LRP1B: variants seen among roughly 807,000 people sequenced by gnomAD.
LRP1B encodes the protein low-density lipoprotein receptor-related protein 1B.
Under a neutral mutation model 556.6 loss-of-function variants are expected in LRP1B, and 217 were observed. That is an observed-to-expected ratio of 0.39 (90% CI 0.35 to 0.44). The LOEUF (loss-of-function observed/expected upper bound fraction) is 0.44. Among genes scored for constraint, LRP1B ranks in the 20% least tolerant of loss-of-function variants. The pLI is 1.00. For missense variants in LRP1B, 5,053 were observed against 5,620.8 expected, an observed-to-expected ratio of 0.90 and a Z score of 3.23; for synonymous variants, 2,047 against 1,865.8, an observed-to-expected ratio of 1.10 and a Z score of -2.50.
chr2:140,272,223 CTT>C (rs1240878260), intron 85 of LRP1B, among the ~76,000 whole-genome samples: 1 of 149,040 alleles, frequency 6.7e-6, no homozygotes, highest in Non-Finnish European at 1.5e-5. Context: ...TCATAATTTT[CTT>C]TTTTAGAGGC....
chr2:141,716,893 C>G (rs939807583), intron 2 of LRP1B, among the ~76,000 whole-genome samples: 5 of 152,112 alleles, frequency 3.3e-5, no homozygotes, highest in Non-Finnish European at 7.4e-5. Context: ...CAATTTTGAA[C>G]CTTTTTTTCC....
chr2:141,315,252 A>ATTTTTTTTT (rs34839276), intron 3 of LRP1B, among the ~76,000 whole-genome samples: 29 of 77,190 alleles, frequency 3.8e-4, no homozygotes, highest in South Asian at 1.7e-3. Flanking sequence ...AATGATTGTA[A>ATTTTTTTTT]TTTTTTTTTT....
intron 35 of LRP1B, among the ~76,000 whole-genome samples, chr2:140,759,667 C>T (rs1480366644): frequency 1.3e-5 from 2 of 152,130 alleles, no homozygotes; most frequent in East Asian, 3.9e-4. Flanking sequence ...TTGGAGCACC[C>T]TTTGTGGCCA....
At chr2:141,755,974 G>T (rs1467638818) in intron 2 of LRP1B, among the ~76,000 whole-genome samples, 1 of 138,716 alleles carries the variant, frequency 7.2e-6, no homozygotes, top group Non-Finnish European at 1.6e-5. Context: ...ACACAAATAG[G>T]TTTGCACAGA....
chr2:141,716,183 C>T (rs888941605), intron 2 of LRP1B, among the ~76,000 whole-genome samples: 1 of 152,170 alleles, frequency 6.6e-6, no homozygotes, highest in Non-Finnish European at 1.5e-5. Context: ...CTTTTTAACA[C>T]TTCTAACATC....
intron 73 of LRP1B, 103 bp downstream of exon 73, chr2:140,358,718 T>C (rs1682359435): frequency 1.1e-5 from 14 of 1,226,104 alleles, no homozygotes; most frequent in Non-Finnish European, 1.6e-5. Context: ...AATAATGCCC[T>C]CAGATGTCCA....
At chr2:141,298,420 A>G (rs1439827704) in intron 3 of LRP1B, among the ~76,000 whole-genome samples, 1 of 152,174 alleles carries the variant, frequency 6.6e-6, no homozygotes, top group Admixed American at 6.6e-5. Flanking sequence ...GAGTTCCAGA[A>G]TGTGGACAAT....
At chr2:141,469,200 G>A (rs115595444) in intron 3 of LRP1B, among the ~76,000 whole-genome samples, 8,133 of 152,218 alleles carry the variant, frequency 0.053, 265 homozygotes, top group Non-Finnish European at 0.067. Context: ...GTTTGGAAAT[G>A]TATAATATAC....
At chr2:141,406,276 C>T (rs79858862) in intron 3 of LRP1B, among the ~76,000 whole-genome samples, 4,899 of 151,964 alleles carry the variant, frequency 0.032, 118 homozygotes, top group Middle Eastern at 0.048. Context: ...TGTGAATATA[C>T]AAAAAATGAT....
intron 3 of LRP1B, among the ~76,000 whole-genome samples, chr2:141,374,515 T>C (rs1052521249): frequency 6.6e-6 from 1 of 152,164 alleles, no homozygotes; most frequent in African/African-American, 2.4e-5. Context: ...CAATAATTCC[T>C]AAGTCCAGTC....
intron 77 of LRP1B, among the ~76,000 whole-genome samples, chr2:140,338,426 G>C (rs35871598): frequency 0.3 from 46,115 of 151,518 alleles, 7,951 homozygotes; most frequent in Non-Finnish European, 0.4. Flanking sequence ...AAGGAGCAGA[G>C]GAGGAAGAAG....
chr2:141,855,694 G>A (rs1347776594), intron 1 of LRP1B, among the ~76,000 whole-genome samples: 2 of 152,090 alleles, frequency 1.3e-5, no homozygotes, highest in Non-Finnish European at 2.9e-5. Context: ...GTATTGAGGG[G>A]TTCAAGGCAA....
intron 2 of LRP1B, among the ~76,000 whole-genome samples, chr2:141,667,410 C>T (rs1232482409): frequency 6.6e-6 from 1 of 152,128 alleles, no homozygotes. Context: ...AAATATACCA[C>T]TTCCATAAAT....
intron 7 of LRP1B, among the ~76,000 whole-genome samples, chr2:141,164,741 C>A (rs1274054611): frequency 6.6e-6 from 1 of 151,850 alleles, no homozygotes; most frequent in Non-Finnish European, 1.5e-5. Context: ...TTTTAAATCC[C>A]CCATAGTTCC....
intron 3 of LRP1B, among the ~76,000 whole-genome samples, chr2:141,300,752 T>C (rs1573774092): frequency 6.6e-6 from 1 of 152,220 alleles, no homozygotes; most frequent in African/African-American, 2.4e-5. Context: ...GTGAGTTTCC[T>C]GAGGCCTCCT....
intron 46 of LRP1B, among the ~76,000 whole-genome samples, chr2:140,534,602 T>C (rs1188306038): frequency 6.6e-6 from 1 of 152,156 alleles, no homozygotes; most frequent in Non-Finnish European, 1.5e-5. Flanking sequence ...TGGAGTCATC[T>C]AAATATCAAT....
intron 46 of LRP1B, among the ~76,000 whole-genome samples, chr2:140,536,311 TAAAAAAAAAAAAA>T (rs70988404): frequency 9.7e-5 from 6 of 61,872 alleles, no homozygotes; most frequent in Non-Finnish European, 1.3e-4. Context: ...CCCGTCTCTT[TAAAAAAAAAAAAA>T]AAAAAAAAAA....
intron 41 of LRP1B, among the ~76,000 whole-genome samples, chr2:140,635,482 T>C (rs908306714): frequency 6.6e-6 from 1 of 152,032 alleles, no homozygotes; most frequent in Non-Finnish European, 1.5e-5. Context: ...TATTATCCTG[T>C]TTTCTTTAGA....
At chr2:141,427,756 C>A (rs1450222906) in intron 3 of LRP1B, among the ~76,000 whole-genome samples, 5 of 151,912 alleles carry the variant, frequency 3.3e-5, no homozygotes, top group Admixed American at 6.6e-5. Context: ...TTACCATATT[C>A]AAAATTGGTT....
Sources: allele counts gnomAD v4.1 joint callset (sites outside exome capture counted in the v4.1 genomes callset), GRCh38; gene constraint gnomAD v4.1.1; transcripts MANE v1.5; gene names NCBI Gene and HGNC (gene_info 2026-07-23, HGNC 2026-07-21).